The following ADGRL2 variants were observed in gnomAD, a reference collection of about 807,000 sequenced individuals.
The protein encoded by ADGRL2 is calcium-independent alpha-latrotoxin receptor 2.
A neutral mutation model predicts 157.4 loss-of-function variants in ADGRL2; 44 were observed. That is an observed-to-expected ratio of 0.28 (90% CI 0.22 to 0.36). The LOEUF (loss-of-function observed/expected upper bound fraction) is 0.36, where lower values mean the gene tolerates loss of function less well. Among genes scored for constraint, ADGRL2 ranks in the 10% least tolerant of loss-of-function variants. The pLI is 1.00. For synonymous variants in ADGRL2, 585 were observed against 624.7 expected (o/e 0.94, Z 0.95); for missense variants, 1,510 against 1,768.9 (o/e 0.85, Z 2.63).
chr1:81,927,395 T>G (rs566855456), intron 3 of ADGRL2, among the ~76,000 whole-genome samples: 2 of 152,130 alleles, frequency 1.3e-5, no homozygotes, highest in East Asian at 1.9e-4. Flanking sequence ...TTAAAATAAT[T>G]TTTATGCAAT....
intron 2 of ADGRL2, among the ~76,000 whole-genome samples, chr1:81,548,334 C>A (rs1391220525): frequency 6.6e-6 from 1 of 151,898 alleles, no homozygotes; most frequent in Non-Finnish European, 1.5e-5. Flanking sequence ...GCATCTGCTG[C>A]ATCAATATTA....
chr1:81,602,071 T>A (rs2081342986), intron 3 of ADGRL2, among the ~76,000 whole-genome samples: 1 of 152,114 alleles, frequency 6.6e-6, no homozygotes, highest in African/African-American at 2.4e-5. Flanking sequence ...TGCCCCTTCC[T>A]GAGTTTCAAG....
chr1:81,672,258 G>T (rs945987990), intron 3 of ADGRL2, among the ~76,000 whole-genome samples: 16 of 152,074 alleles, frequency 1.1e-4, no homozygotes, highest in Admixed American at 3.9e-4. Context: ...AAGAGTTTTT[G>T]ATTAGATTTA....
intron 13 of ADGRL2, 89 bp downstream of exon 13, chr1:81,966,698 A>T (rs1484323200): frequency 9.0e-7 from 1 of 1,105,380 alleles, no homozygotes; most frequent in Non-Finnish European, 1.4e-6. Context: ...ATGGGGAGAG[A>T]ACTGGGGAGA....
intron 1 of ADGRL2, among the ~76,000 whole-genome samples, chr1:81,759,940 C>T (rs891595133): frequency 2.0e-5 from 3 of 152,012 alleles, no homozygotes; most frequent in African/African-American, 7.2e-5. Context: ...GTTTCCTTTA[C>T]TCATGCACTC....
chr1:81,432,969 G>A (rs534828090), intron 1 of ADGRL2, among the ~76,000 whole-genome samples: 3 of 152,236 alleles, frequency 2.0e-5, no homozygotes, highest in Admixed American at 6.5e-5. Flanking sequence ...GTGGAAATAT[G>A]TACCTTGGGC....
Position 81,868,574 on chromosome 1 carries a change from A to G in ADGRL2, c.73+31517A>G, listed in dbSNP as rs75481640. On this transcript the variant is annotated intron_variant, in intron 2 of 23. Coordinates refer to ENST00000686636, the MANE Select transcript of ADGRL2 (RefSeq NM_001366006.2). ...AACGTTTCAGTGTCTTTATACATCTATAGTTTCTTTGCCTAGGATCGTTGT... is the reference window on the plus strand; with the variant it reads ...AACGTTTCAGTGTCTTTATACATCTGTAGTTTCTTTGCCTAGGATCGTTGT... Among the ~76,000 whole-genome samples the G allele has an allele frequency of 8.6e-3, 1,310 of 152,124 alleles. 18 individuals are homozygous for G. The highest frequency in any genetic ancestry group is 0.03 in the African/African-American group (1,231 of 41,500).
intron 1 of ADGRL2, among the ~76,000 whole-genome samples, chr1:81,396,541 AAGAGTGGTG>A (rs2076657898): frequency 6.6e-6 from 1 of 152,262 alleles, no homozygotes; most frequent in East Asian, 1.9e-4. Flanking sequence ...TATATTGAGC[AAGAGTGGTG>A]AGAGTGGGCA....
At chr1:81,701,372 T>G (rs1160440278) in intron 1 of ADGRL2, among the ~76,000 whole-genome samples, 1 of 152,206 alleles carries the variant, frequency 6.6e-6, no homozygotes, top group Non-Finnish European at 1.5e-5. Flanking sequence ...CAATATAAGT[T>G]TATGATTAAA....
At chr1:81,423,082 T>C (rs942263699) in intron 1 of ADGRL2, among the ~76,000 whole-genome samples, 4 of 152,210 alleles carry the variant, frequency 2.6e-5, no homozygotes, top group African/African-American at 9.6e-5. Flanking sequence ...ATATATAGCA[T>C]GTGGTTACCT....
chr1:81,425,181 ATTTAT>A (rs2077189847), intron 1 of ADGRL2, among the ~76,000 whole-genome samples: 1 of 152,194 alleles, frequency 6.6e-6, no homozygotes, highest in South Asian at 2.1e-4. Context: ...CATCCTTTTC[ATTTAT>A]TTTAATCATT....
At position 81,386,180 on chromosome 1, in the gene ADGRL2, T is replaced by C. The variant is rs151283605; in HGVS notation, c.-301-58856T>C. 1.7e-3 allele frequency among the ~76,000 whole-genome samples: 261 copies of C among 152,304 alleles called. 1 individual carries two copies. Among genetic ancestry groups the C allele is most frequent in the African/African-American group, 6.2e-3 (257 of 41,568 alleles). On this transcript the variant is annotated intron_variant, in intron 1 of 24. Coordinates refer to the ADGRL2 transcript ENST00000370721. ...TACAAGGTCAAATTCAAAGGTAATC[T>C]AATGACATGTCTGACTGTTCCTCTA...
rs116523238 is a variant in ADGRL2, at chr1:81,751,941, G to A, written c.-142-9870G>A. Among the ~76,000 whole-genome samples the A allele has an allele frequency of 8.3e-3, 1,268 of 152,028 alleles. 23 individuals carry two copies. Among genetic ancestry groups the A allele is most frequent in the African/African-American group, 0.029 (1,201 of 41,462 alleles). ...TTCCATGATATGTTGTCATAATCCC[G>A]GAATAGGTTTCAGGTTAGTTTAGAG... On this transcript the variant is annotated intron_variant, in intron 1 of 20. Coordinates refer to the ADGRL2 transcript ENST00000359929.
chr1:81,735,974 C>T (rs902472720), intron 1 of ADGRL2, among the ~76,000 whole-genome samples: 4 of 150,164 alleles, frequency 2.7e-5, no homozygotes, highest in African/African-American at 9.8e-5. Flanking sequence ...GAAACCCCGT[C>T]TTACTAAAAA....
At position 81,411,187 on chromosome 1, in the gene ADGRL2, A is replaced by G. The variant is rs138117021; in HGVS notation, c.-301-33849A>G. On this transcript the variant is annotated intron_variant, in intron 1 of 24. Coordinates refer to the ADGRL2 transcript ENST00000370721. ...TCTGGCAAAGATGCAAAGGCAGCGTATGAAAGTCAGCAATAACATTCAGGA... is the reference window on the plus strand; with the variant it reads ...TCTGGCAAAGATGCAAAGGCAGCGTGTGAAAGTCAGCAATAACATTCAGGA... 5.8e-3 allele frequency among the ~76,000 whole-genome samples: 881 copies of G among 152,354 alleles called. 13 individuals are homozygous for G. The highest frequency in any genetic ancestry group is 0.04 in the East Asian group (209 of 5,174).
chr1:81,392,766 G>A (rs1570824848), intron 1 of ADGRL2, among the ~76,000 whole-genome samples: 1 of 151,946 alleles, frequency 6.6e-6, no homozygotes, highest in African/African-American at 2.4e-5. Flanking sequence ...TCTTTCTTAT[G>A]TAATGCAGGG....
intron 3 of ADGRL2, among the ~76,000 whole-genome samples, chr1:81,641,946 A>G (rs976776979): frequency 6.6e-6 from 1 of 152,046 alleles, no homozygotes; most frequent in African/African-American, 2.4e-5. Flanking sequence ...TGGACTAACT[A>G]GGGAAATAAA....
At chr1:81,915,087 A>G (rs368885046) in intron 3 of ADGRL2, among the ~76,000 whole-genome samples, 7 of 152,240 alleles carry the variant, frequency 4.6e-5, no homozygotes, top group South Asian at 2.1e-4. Context: ...ATTCTGCCCT[A>G]TAGGATCCTT....
chr1:81,952,251 A>T, intron 9 of ADGRL2, 109 bp downstream of exon 9: 1 of 796,710 alleles, frequency 1.3e-6, no homozygotes, highest in Non-Finnish European at 1.8e-6. Context: ...TATACTTAGA[A>T]GCAAAATTTC....
Sources: gnomAD v4.1 joint callset for allele counts (sites outside exome capture counted in the v4.1 genomes callset) on GRCh38, gnomAD v4.1.1 for gene constraint, MANE v1.5 for transcripts, NCBI Gene and HGNC (gene_info 2026-07-23, HGNC 2026-07-21) for gene names.